The following ISCU variants were observed in gnomAD, a reference collection of about 807,000 sequenced individuals.
ISCU encodes iron-sulfur cluster assembly enzyme.
ISCU carries 13 observed loss-of-function variants against 18.4 expected under a neutral mutation model. The observed-to-expected ratio is 0.71, with a 90% CI of 0.46 to 1.12. The LOEUF (loss-of-function observed/expected upper bound fraction) is 1.12. ISCU is among the 50% of genes most tolerant of loss of function. ISCU has a pLI of 0.00. For missense variants in ISCU, 229 were observed against 208.7 expected (o/e 1.10, Z -0.60); for synonymous variants, 104 against 87.5 (o/e 1.19, Z -1.06).
rs760989323 is a variant in ISCU, at chr12:108,565,310, C to A, written c.229-11C>A. On this transcript the variant is annotated splice_polypyrimidine_tract_variant and intron_variant, in intron 2 of 4. Coordinates refer to ENST00000311893, the MANE Select transcript of ISCU (RefSeq NM_213595.4). ...CCAGGACTCACCACTTAACTCTTGT[C>A]TCTTTTCTAGATTCAAGTGGATGAA... is the stretch of plus-strand genomic sequence containing the variant. 6.2e-7 allele frequency: 1 copy of A among 1,603,488 alleles called. No individual in the cohort carries two copies.
Position 108,562,632 on chromosome 12 carries a change from G to C in ISCU, c.10G>C (p.Ala4Pro), listed in dbSNP as rs558084375. ...GGCGCAAGCCGGCAAGATGGCGGCG[G>C]CTGGGGCTTTCCGTCTGAGGCGGGC... is the stretch of plus-strand genomic sequence containing the variant. MAA[A>P]GAFRLRRAAS... Residue 4 changes from alanine to proline, a missense_variant, in exon 1 of 5, where the codon GCT becomes CCT. Coordinates refer to ENST00000311893, the MANE Select transcript of ISCU (RefSeq NM_213595.4). 7,783 of 1,473,674 alleles carry C rather than the reference G, an allele frequency of 5.3e-3. 42 individuals are homozygous for C. The highest frequency in any genetic ancestry group is 6.1e-3 in the Non-Finnish European group (6,838 of 1,119,014). 91.3% of individuals were successfully genotyped at this position (1,473,674 alleles called of 1,614,324 possible).
chr12:108,564,570 C>T (rs548941512), intron 2 of ISCU, among the ~76,000 whole-genome samples, 178 bp downstream of exon 2: 5 of 152,306 alleles, frequency 3.3e-5, no homozygotes, highest in East Asian at 3.9e-4. Flanking sequence ...GGGCCTCAAT[C>T]GTAGCTCTCC....
chr12:108,568,627 C>CTA (rs1432448940), intron 4 of ISCU: 1 of 1,428,368 alleles, frequency 7.0e-7, no homozygotes, highest in Non-Finnish European at 9.1e-7. Context: ...TAACCCTAGT[C>CTA]TGTCTCCAGG....
chr12:108,565,346 T>C lies in ISCU; in HGVS notation c.254T>C (p.Ile85Thr). The change falls in exon 3 of 5, where the codon ATT becomes ACT. Residue 85 changes from isoleucine to threonine, a missense_variant. By Grantham distance (89) the Ile-to-Thr change is moderately conservative. Coordinates refer to ENST00000311893, the MANE Select transcript of ISCU (RefSeq NM_213595.4). The stretch of plus-strand genomic sequence containing the variant: ...ATTCAAGTGGATGAAAAGGGGAAGA[T>C]TGTGGATGCTAGGTTTAAAACATTT... ...LQIQVDEKGK[I>T]VDARFKTFGC... is the part of the protein sequence containing the mutation. 6.2e-7 allele frequency: 1 copy of C among 1,614,078 alleles called. No individual in the cohort carries two copies. Among genetic ancestry groups the C allele is most frequent in the Non-Finnish European group, 8.5e-7 (1 of 1,179,914 alleles).
upstream of ISCU, among the ~76,000 whole-genome samples, chr12:108,561,828 G>A (rs2030578007): frequency 1.3e-5 from 2 of 151,578 alleles, no homozygotes; most frequent in Non-Finnish European, 2.9e-5. Flanking sequence ...GTTTTAGAGA[G>A]AAAAATAGAC....
upstream of ISCU, among the ~76,000 whole-genome samples, chr12:108,562,023 C>T (rs1431886022): frequency 6.6e-6 from 1 of 152,098 alleles, no homozygotes; most frequent in African/African-American, 2.4e-5. Context: ...AGCGCCTTGA[C>T]ACATAGTAGG....
chr12:108,567,758 G>T (rs752926627), intron 4 of ISCU: 12 of 1,535,506 alleles, frequency 7.8e-6, no homozygotes, highest in Non-Finnish European at 1.0e-5. Flanking sequence ...TCCTGTCGGG[G>T]TCTGCATCTG....
intron 4 of ISCU, chr12:108,567,828 A>G (rs2030973130): frequency 6.6e-7 from 1 of 1,514,278 alleles, no homozygotes; most frequent in East Asian, 2.5e-5. Flanking sequence ...TCCTAAAAAA[A>G]AGCCCAGATG....
intron 2 of ISCU, 28 bp from the exon 3 acceptor site, chr12:108,565,293 C>G (rs2030836628): frequency 6.4e-7 from 1 of 1,556,232 alleles, no homozygotes; most frequent in African/African-American, 1.4e-5. Context: ...TCCCAGGACT[C>G]ACCACTTAAC....
chr12:108,565,368 AT>A lies in ISCU; in HGVS notation c.279del (p.Phe93LeufsTer12), dbSNP rs2030841984. On this transcript the variant is annotated frameshift_variant, in exon 3 of 5. Coordinates refer to ENST00000311893, the MANE Select transcript of ISCU (RefSeq NM_213595.4). LOFTEE classifies it high-confidence loss of function. ...GKIVDARFKT[F>X]GCGSAIASSS... ...AGATTGTGGATGCTAGGTTTAAAACATTTGGCTGTGGTTCCGCAATTGCCTC... is the reference window on the plus strand; with the variant it reads ...AGATTGTGGATGCTAGGTTTAAAACATTGGCTGTGGTTCCGCAATTGCCTC... 1 of 1,614,220 alleles carries A rather than the reference AT, an allele frequency of 6.2e-7. No homozygotes were observed. The highest frequency in any genetic ancestry group is 8.5e-7 in the Non-Finnish European group (1 of 1,180,036).
rs991905634 is a variant in ISCU at position 108,565,333 on chromosome 12, G to A, written c.241G>A (p.Glu81Lys). ...DVMKLQIQVD[E>K]KGKIVDARFK... is the part of the protein sequence containing the mutation. ...GTCTCTTTTCTAGATTCAAGTGGAT[G>A]AAAAGGGGAAGATTGTGGATGCTAG... Residue 81 changes from glutamate (E) to lysine (K), a missense_variant, in exon 3 of 5, where the codon GAA becomes AAA. Coordinates refer to ENST00000311893, the MANE Select transcript of ISCU (RefSeq NM_213595.4). 1 of 1,613,880 alleles carries A rather than the reference G, an allele frequency of 6.2e-7. No homozygotes were observed. Among genetic ancestry groups the A allele is most frequent in the Non-Finnish European group, 8.5e-7 (1 of 1,179,718 alleles).
intron 4 of ISCU, chr12:108,567,603 T>G (rs1486645623): frequency 1.4e-6 from 2 of 1,429,514 alleles, no homozygotes; most frequent in African/African-American, 2.8e-5. Flanking sequence ...GACGCCCACA[T>G]CACATGGCTA....
At chr12:108,567,032 A>G (rs551907643) in intron 3 of ISCU, among the ~76,000 whole-genome samples, 158 bp from the exon 4 acceptor site, 1 of 152,342 alleles carries the variant, frequency 6.6e-6, no homozygotes, top group South Asian at 2.1e-4. Flanking sequence ...CAGCTTTGAT[A>G]AAGTGGGAGT....
At chr12:108,567,728 A>C in intron 4 of ISCU, 1 of 1,535,854 alleles carries the variant, frequency 6.5e-7, no homozygotes, top group South Asian at 1.2e-5. Context: ...GTATTTCTTC[A>C]CTTCCTGTCT....
chr12:108,562,601 G>T lies in ISCU; in HGVS notation c.-22G>T. 7.2e-7 allele frequency: 1 copy of T among 1,389,474 alleles called. No homozygotes were observed. Among genetic ancestry groups the T allele is most frequent in the South Asian group, 1.5e-5 (1 of 68,470 alleles). 86.1% of individuals were successfully genotyped at this position (1,389,474 alleles called of 1,614,324 possible). A position where few individuals can be genotyped will look rare whatever the true frequency, so the allele number is the denominator to read the frequency against. The stretch of plus-strand genomic sequence containing the variant: ...CCGCCCCTCGGCGTCGCTCTGGACT[G>T]GCGCAGGCGCAAGCCGGCAAGATGG... On this transcript the variant is annotated 5_prime_UTR_variant, in exon 1 of 5. Coordinates refer to ENST00000311893, the MANE Select transcript of ISCU (RefSeq NM_213595.4).
At chr12:108,562,100 C>G (rs1209972283), upstream of ISCU, among the ~76,000 whole-genome samples, 2 of 152,180 alleles carry the variant, frequency 1.3e-5, no homozygotes, top group Admixed American at 6.5e-5. Flanking sequence ...AGGGAAGATT[C>G]AGACTCAGCG....
chr12:108,568,935 C>G lies in ISCU; in HGVS notation c.*19C>G. 6.3e-7 allele frequency: 1 copy of G among 1,598,016 alleles called. No homozygotes were observed. Among genetic ancestry groups the G allele is most frequent in the South Asian group, 1.1e-5 (1 of 88,672 alleles). On this transcript the variant is annotated 3_prime_UTR_variant, in exon 5 of 5. Transcript: ENST00000311893. ...GAAATGAGCCCTCCCTCGGCGAAGC[C>G]TCCAGCAGGCCACACCAGCTGTTTC...
At chr12:108,566,431 A>AC (rs2030899820) in intron 3 of ISCU, among the ~76,000 whole-genome samples, 2 of 152,238 alleles carry the variant, frequency 1.3e-5, no homozygotes, top group South Asian at 4.1e-4. Flanking sequence ...CATTTCTTTA[A>AC]CCTTGAGATC....
rs2031033080 is a variant in ISCU at position 108,569,041 on chromosome 12, C to G, written c.*125C>G. 1 of 789,378 alleles carries G rather than the reference C, an allele frequency of 1.3e-6. No homozygotes were observed. 48.9% of individuals were successfully genotyped at this position (789,378 alleles called of 1,614,324 possible). A position where few individuals can be genotyped will look rare whatever the true frequency, so the allele number is the denominator to read the frequency against. On this transcript the variant is annotated 3_prime_UTR_variant, in exon 5 of 5. Transcript: ENST00000311893. ...AGCTATGAGATACGCACAATACTTGCTGTTCACGTTATGACTCTCATGCAA... is the reference window on the plus strand; with the variant it reads ...AGCTATGAGATACGCACAATACTTGGTGTTCACGTTATGACTCTCATGCAA...
Sources: gnomAD v4.1 joint callset for allele counts (sites outside exome capture counted in the v4.1 genomes callset) on GRCh38, gnomAD v4.1.1 for gene constraint, MANE v1.5 for transcripts, NCBI Gene and HGNC (gene_info 2026-07-23, HGNC 2026-07-21) for gene names.